The following CLPB variants were observed in gnomAD, a reference collection of about 807,000 sequenced individuals.
CLPB encodes ClpB family mitochondrial disaggregase.
Under a neutral mutation model 78.4 loss-of-function variants are expected in CLPB, and 40 were observed. That is an observed-to-expected ratio of 0.51 (90% CI 0.40 to 0.66). CLPB has a LOEUF of 0.66. Among genes scored for constraint, CLPB ranks in the 30% least tolerant of loss-of-function variants. The pLI is 0.00. For missense variants in CLPB, 780 were observed against 886.9 expected (o/e 0.88, Z 1.53); for synonymous variants, 333 against 348.0 (o/e 0.96, Z 0.48).
At chr11:72,386,785 A>G (rs376029246) in intron 3 of CLPB, among the ~76,000 whole-genome samples, 1 of 152,346 alleles carries the variant, frequency 6.6e-6, no homozygotes, top group East Asian at 1.9e-4. Flanking sequence ...AAGAGAAATG[A>G]GAAGGGTCTC....
At chr11:72,377,980 C>A (rs979047169) in intron 4 of CLPB, among the ~76,000 whole-genome samples, 8 of 152,214 alleles carry the variant, frequency 5.3e-5, no homozygotes, top group African/African-American at 1.9e-4. Context: ...CTGGCTCTTT[C>A]TAGAAAGTTT....
At position 72,349,067 on chromosome 11, in the gene CLPB, T is replaced by C. The variant is rs186346599; in HGVS notation, c.775+9813A>G. Reference sequence around the variant, plus strand: ...TGGTTAGTTGTAAGAAAATAATTAATAGTTGCTGAATAAATAAATACTTAA... The same window carrying C: ...TGGTTAGTTGTAAGAAAATAATTAACAGTTGCTGAATAAATAAATACTTAA... On this transcript the variant is annotated intron_variant, in intron 5 of 15. Coordinates refer to ENST00000538039, the MANE Select transcript of CLPB (RefSeq NM_001258392.3). Among the ~76,000 whole-genome samples the C allele has an allele frequency of 9.8e-5, 15 of 152,360 alleles. No homozygotes were observed. In the East Asian group the frequency reaches 2.5e-3, roughly 25 times the overall value.
intron 2 of CLPB, among the ~76,000 whole-genome samples, chr11:72,416,380 C>T (rs1305925047): frequency 6.6e-6 from 1 of 152,142 alleles, no homozygotes; most frequent in Non-Finnish European, 1.5e-5. Flanking sequence ...CATCATGATA[C>T]ATTTTTCTCC....
At chr11:72,385,344 G>T (rs1416542906) in intron 3 of CLPB, among the ~76,000 whole-genome samples, 1 of 151,998 alleles carries the variant, frequency 6.6e-6, no homozygotes, top group Non-Finnish European at 1.5e-5. Context: ...AATAAAAAAG[G>T]GCTCATGTTC....
At chr11:72,309,341 G>A (rs1057341242) in intron 7 of CLPB, among the ~76,000 whole-genome samples, 4 of 152,126 alleles carry the variant, frequency 2.6e-5, no homozygotes, top group Non-Finnish European at 5.9e-5. Context: ...ATGTAATTAA[G>A]GGCTATGCAT....
At chr11:72,431,706 C>A (rs1481859085) in intron 1 of CLPB, among the ~76,000 whole-genome samples, 1 of 152,126 alleles carries the variant, frequency 6.6e-6, no homozygotes, top group Non-Finnish European at 1.5e-5. Flanking sequence ...TCTCCCTTCA[C>A]TCTGCAGAAA....
intron 11 of CLPB, among the ~76,000 whole-genome samples, chr11:72,295,974 C>T (rs564637523): frequency 6.6e-6 from 1 of 152,354 alleles, no homozygotes; most frequent in South Asian, 2.1e-4. Flanking sequence ...GTGCAACCAA[C>T]ACATTTTTTG....
At chr11:72,415,192 G>A (rs1198533603) in intron 2 of CLPB, among the ~76,000 whole-genome samples, 2 of 152,142 alleles carry the variant, frequency 1.3e-5, no homozygotes. Context: ...CTCCAGCCTG[G>A]CGACAGAGTG....
intron 2 of CLPB, among the ~76,000 whole-genome samples, chr11:72,406,087 A>G (rs148107366): frequency 9.2e-5 from 14 of 152,314 alleles, no homozygotes; most frequent in African/African-American, 2.6e-4. Context: ...AAATTATAAA[A>G]TTAACCTAAT....
At chr11:72,430,686 G>A (rs1028970105) in intron 1 of CLPB, among the ~76,000 whole-genome samples, 6 of 152,182 alleles carry the variant, frequency 3.9e-5, no homozygotes, top group African/African-American at 1.4e-4. Context: ...CTCTGCATAT[G>A]CTTTATGTTC....
chr11:72,415,937 G>A (rs1454568927), intron 2 of CLPB, among the ~76,000 whole-genome samples: 1 of 152,222 alleles, frequency 6.6e-6, no homozygotes, highest in Non-Finnish European at 1.5e-5. Context: ...ATGAGGAGGA[G>A]ACTTGAAACC....
At chr11:72,315,512 T>C (rs1288896199) in intron 7 of CLPB, among the ~76,000 whole-genome samples, 3 of 152,216 alleles carry the variant, frequency 2.0e-5, no homozygotes, top group Non-Finnish European at 2.9e-5. Flanking sequence ...GCTGACGCTT[T>C]ATCTCCTCCG....
At chr11:72,391,963 A>G (rs1203739065) in intron 3 of CLPB, among the ~76,000 whole-genome samples, 1 of 151,956 alleles carries the variant, frequency 6.6e-6, no homozygotes, top group African/African-American at 2.4e-5. Context: ...TACTTCAATC[A>G]GTGTTTAGGC....
At chr11:72,297,675 G>A (rs1307479450) in intron 11 of CLPB, among the ~76,000 whole-genome samples, 1 of 119,146 alleles carries the variant, frequency 8.4e-6, no homozygotes, top group East Asian at 2.8e-4. Context: ...GTGTGTGTGT[G>A]TGTGTGTGTG....
At chr11:72,372,992 G>A in intron 4 of CLPB, 1 of 1,614,098 alleles carries the variant, frequency 6.2e-7, no homozygotes, top group East Asian at 2.2e-5. Flanking sequence ...TGATGTGCCG[G>A]CTTGCACCGT....
chr11:72,340,142 G>A (rs1477031064), intron 5 of CLPB, among the ~76,000 whole-genome samples: 1 of 152,162 alleles, frequency 6.6e-6, no homozygotes, highest in Non-Finnish European at 1.5e-5. Flanking sequence ...ACATAAACAT[G>A]CTCCTGCCGT....
At position 72,425,521 on chromosome 11, in the gene CLPB, C is replaced by T. The variant is rs549164336; in HGVS notation, c.455+4791G>A. Reference sequence around the variant, plus strand: ...TGTCCTTCTTCCTCACCAGAGGGCACACGAGCTCCTCTAGGGCAGGGACTG... The same window carrying T: ...TGTCCTTCTTCCTCACCAGAGGGCATACGAGCTCCTCTAGGGCAGGGACTG... On this transcript the variant is annotated intron_variant, in intron 2 of 15. Coordinates refer to ENST00000538039, the MANE Select transcript of CLPB (RefSeq NM_001258392.3). 4.6e-5 allele frequency among the ~76,000 whole-genome samples: 7 copies of T among 152,184 alleles called. No homozygotes were observed. The East Asian group carries it at 1.4e-3, about 29-fold the overall frequency.
At chr11:72,302,161 T>C in intron 10 of CLPB, 143 bp downstream of exon 10, 1 of 986,908 alleles carries the variant, frequency 1.0e-6, no homozygotes, top group Non-Finnish European at 1.5e-6. Flanking sequence ...GTGAAACAAA[T>C]CAGTGACCCT....
chr11:72,392,570 C>A (rs2135050655), intron 3 of CLPB, among the ~76,000 whole-genome samples: 1 of 152,170 alleles, frequency 6.6e-6, no homozygotes, highest in East Asian at 1.9e-4. Context: ...AGAAAATGTG[C>A]CCCAGTTTCC....
Sources: allele counts gnomAD v4.1 joint callset (sites outside exome capture counted in the v4.1 genomes callset), GRCh38; gene constraint gnomAD v4.1.1; transcripts MANE v1.5; gene names NCBI Gene and HGNC (gene_info 2026-07-23, HGNC 2026-07-21).